Variants in MAF observed in about 807,000 individuals in gnomAD.
MAF encodes MAF bZIP transcription factor, also known as transcription factor Maf.
MAF carries 10 observed loss-of-function variants against 22.0 expected under a neutral mutation model. The observed-to-expected ratio is 0.45, with a 90% CI of 0.28 to 0.77. MAF has a LOEUF of 0.77. Among genes scored for constraint, MAF ranks in the 30% least tolerant of loss-of-function variants. The pLI is 0.12. For missense variants in MAF, 544 were observed against 548.4 expected, an observed-to-expected ratio of 0.99 and a Z score of 0.08; for synonymous variants, 337 against 255.8, an observed-to-expected ratio of 1.32 and a Z score of -3.03.
At chr16:79,202,797 A>G in the MAF span, 1 of 152,186 alleles carries the variant, frequency 6.6e-6, no homozygotes, top group Non-Finnish European at 1.5e-5. Flanking sequence ...TAGGGAAACA[A>G]GAGAAAGATC....
the MAF span, among the ~76,000 whole-genome samples, chr16:79,224,231 A>G: frequency 6.6e-6 from 1 of 152,232 alleles, no homozygotes; most frequent in Non-Finnish European, 1.5e-5. Context: ...AACGTAATCC[A>G]TCACATAAAC....
chr16:79,236,817 G>C, the MAF span, among the ~76,000 whole-genome samples: 1 of 151,822 alleles, frequency 6.6e-6, no homozygotes, highest in South Asian at 2.1e-4. Flanking sequence ...CGCCATCTCC[G>C]ATGACTCCAG....
the MAF span, among the ~76,000 whole-genome samples, chr16:79,272,612 G>A: frequency 3.9e-5 from 6 of 152,332 alleles, no homozygotes; most frequent in African/African-American, 1.4e-4. Flanking sequence ...GTTTGGCACA[G>A]ACCTGGGAAG....
At chr16:79,237,576 G>C in the MAF span, among the ~76,000 whole-genome samples, 3 of 152,050 alleles carry the variant, frequency 2.0e-5, no homozygotes, top group Non-Finnish European at 4.4e-5. Context: ...TCAGAGTATG[G>C]AGACGTGGAA....
At chr16:79,458,299 C>T in the MAF span, among the ~76,000 whole-genome samples, 1 of 152,132 alleles carries the variant, frequency 6.6e-6, no homozygotes, top group African/African-American at 2.4e-5. Context: ...CCTGAGAAGG[C>T]ATGTGTCTCT....
chr16:79,203,191 G>C, the MAF span: 1 of 152,286 alleles, frequency 6.6e-6, no homozygotes, highest in East Asian at 1.9e-4. Flanking sequence ...TGTAAAGGCA[G>C]TGCCTAAGCT....
chr16:79,393,637 G>A, the MAF span, among the ~76,000 whole-genome samples: 3 of 152,096 alleles, frequency 2.0e-5, no homozygotes, highest in Non-Finnish European at 2.9e-5. Flanking sequence ...CCATCCCAGG[G>A]ATCTAGATCA....
chr16:79,406,508 T>C, the MAF span, among the ~76,000 whole-genome samples: 62 of 152,286 alleles, frequency 4.1e-4, no homozygotes, highest in African/African-American at 1.5e-3. Flanking sequence ...CTTCAAGCCA[T>C]GTTCTCACAG....
At chr16:79,387,213 C>T in the MAF span, among the ~76,000 whole-genome samples, 2 of 152,204 alleles carry the variant, frequency 1.3e-5, no homozygotes, top group East Asian at 3.8e-4. Flanking sequence ...GTGGTGCCCT[C>T]CATGAAGGGG....
the MAF span, among the ~76,000 whole-genome samples, chr16:79,419,970 T>G: frequency 6.6e-6 from 1 of 151,908 alleles, no homozygotes; most frequent in African/African-American, 2.4e-5. Context: ...GTATAACCAG[T>G]GAATTCAGAC....
chr16:79,269,219 A>G, the MAF span, among the ~76,000 whole-genome samples: 1 of 152,074 alleles, frequency 6.6e-6, no homozygotes, highest in Non-Finnish European at 1.5e-5. Flanking sequence ...GCTGGATGTG[A>G]TGTAGGGGCT....
At chr16:79,453,904 G>C in the MAF span, among the ~76,000 whole-genome samples, 1 of 152,156 alleles carries the variant, frequency 6.6e-6, no homozygotes, top group Non-Finnish European at 1.5e-5. Flanking sequence ...ACTGAATCCA[G>C]AGTGAAAATA....
the MAF span, among the ~76,000 whole-genome samples, chr16:79,434,134 A>G: frequency 6.6e-6 from 1 of 152,208 alleles, no homozygotes; most frequent in African/African-American, 2.4e-5. Flanking sequence ...AGCCCATGCA[A>G]CTGCACACTG....
chr16:79,384,083 C>T, the MAF span, among the ~76,000 whole-genome samples: 7 of 152,072 alleles, frequency 4.6e-5, no homozygotes, highest in Admixed American at 6.6e-5. Flanking sequence ...CTGAGTTGTA[C>T]AATCGGGATG....
At chr16:79,221,791 G>C in the MAF span, among the ~76,000 whole-genome samples, 1 of 152,058 alleles carries the variant, frequency 6.6e-6, no homozygotes, top group African/African-American at 2.4e-5. Context: ...GTAGATATCA[G>C]GAGTTTCAGA....
the MAF span, among the ~76,000 whole-genome samples, chr16:79,273,825 A>G: frequency 3.3e-5 from 5 of 152,126 alleles, no homozygotes; most frequent in African/African-American, 1.2e-4. Flanking sequence ...TGCAATTCCC[A>G]TGTAATATAG....
the MAF span, among the ~76,000 whole-genome samples, chr16:79,369,730 A>C: frequency 7.5e-4 from 114 of 152,294 alleles, 1 homozygote; most frequent in African/African-American, 2.6e-3. Context: ...CAATCTTACA[A>C]ATCTCAGCCA....
chr16:79,400,472 C>A, the MAF span, among the ~76,000 whole-genome samples: 1 of 152,362 alleles, frequency 6.6e-6, no homozygotes, highest in African/African-American at 2.4e-5. Flanking sequence ...TAGCACAGTG[C>A]CTGGCCTGGT....
the MAF span, among the ~76,000 whole-genome samples, chr16:79,209,986 A>G: frequency 6.6e-6 from 1 of 152,230 alleles, no homozygotes; most frequent in Non-Finnish European, 1.5e-5. Flanking sequence ...AGTGGGCATG[A>G]TAATGGAGGG....
Sources: gnomAD v4.1 joint callset for allele counts (sites outside exome capture counted in the v4.1 genomes callset) on GRCh38, gnomAD v4.1.1 for gene constraint, MANE v1.5 for transcripts, NCBI Gene and HGNC (gene_info 2026-07-23, HGNC 2026-07-21) for gene names.